PDE4D: variants seen among roughly 807,000 people sequenced by gnomAD.
PDE4D encodes the protein phosphodiesterase 4D, also known as 3',5'-cyclic-AMP phosphodiesterase 4D.
In PDE4D, 24 loss-of-function variants were observed where a neutral mutation model predicts 87.4. That is an observed-to-expected ratio of 0.27 (90% confidence interval 0.20 to 0.39). The LOEUF (loss-of-function observed/expected upper bound fraction) is 0.39, where lower values mean the gene tolerates loss of function less well. Among genes scored for constraint, PDE4D ranks in the 10% least tolerant of loss-of-function variants. The pLI is 1.00. For synonymous variants in PDE4D, 384 were observed against 383.2 expected, an observed-to-expected ratio of 1.00 and a Z score of -0.02; for missense variants, 714 against 1,041.0, an observed-to-expected ratio of 0.69 and a Z score of 4.32.
intron 3 of PDE4D, among the ~76,000 whole-genome samples, chr5:59,945,537 A>C (rs1373969499): frequency 3.3e-5 from 5 of 152,228 alleles, no homozygotes; most frequent in African/African-American, 1.2e-4. Flanking sequence ...GACTGAGACA[A>C]AGATATTAAC....
chr5:60,263,436 G>T (rs1749859392), intron 1 of PDE4D, among the ~76,000 whole-genome samples: 1 of 152,180 alleles, frequency 6.6e-6, no homozygotes, highest in African/African-American at 2.4e-5. Context: ...AAGAAATCTA[G>T]GCAAAGAACA....
At chr5:59,005,269 A>G (rs1239434037) in intron 6 of PDE4D, among the ~76,000 whole-genome samples, 1 of 152,158 alleles carries the variant, frequency 6.6e-6, no homozygotes, top group Non-Finnish European at 1.5e-5. Flanking sequence ...ACAGACTTCT[A>G]TTTGGCAACT....
intron 1 of PDE4D, among the ~76,000 whole-genome samples, chr5:60,204,758 T>C (rs772777603): frequency 1.8e-4 from 27 of 152,182 alleles, no homozygotes; most frequent in Non-Finnish European, 2.9e-4. Flanking sequence ...GCCTGGAGGA[T>C]AAACACACAG....
intron 2 of PDE4D, among the ~76,000 whole-genome samples, chr5:60,059,181 G>A (rs958767296): frequency 6.6e-6 from 1 of 151,784 alleles, no homozygotes; most frequent in Non-Finnish European, 1.5e-5. Flanking sequence ...ATTTTCCTGA[G>A]AACTAAGTTT....
chr5:60,386,514 T>C (rs1340406526), intron 1 of PDE4D, among the ~76,000 whole-genome samples: 1 of 152,196 alleles, frequency 6.6e-6, no homozygotes, highest in Non-Finnish European at 1.5e-5. Flanking sequence ...ATTGCCCTCC[T>C]AAGACTCTTT....
intron 1 of PDE4D, among the ~76,000 whole-genome samples, chr5:60,189,208 G>A (rs1403959016): frequency 2.0e-5 from 3 of 152,168 alleles, no homozygotes; most frequent in Admixed American, 1.3e-4. Flanking sequence ...AATGAATAGA[G>A]GAGGTGGATA....
At chr5:60,074,035 T>C (rs1773022084) in intron 2 of PDE4D, among the ~76,000 whole-genome samples, 1 of 152,156 alleles carries the variant, frequency 6.6e-6, no homozygotes, top group Non-Finnish European at 1.5e-5. Context: ...TCAATTCAGC[T>C]CTGATTCTGG....
intron 1 of PDE4D, among the ~76,000 whole-genome samples, chr5:59,403,754 G>GTGC (rs1354378129): frequency 6.6e-6 from 1 of 152,198 alleles, no homozygotes; most frequent in Non-Finnish European, 1.5e-5. Context: ...ACTGTGAATA[G>GTGC]TGCTACAATA....
intron 1 of PDE4D, among the ~76,000 whole-genome samples, chr5:60,234,955 C>A (rs1746256861): frequency 6.6e-6 from 1 of 151,812 alleles, no homozygotes; most frequent in African/African-American, 2.4e-5. Flanking sequence ...TTGCTAATTT[C>A]TTGCTCTAGC....
intron 5 of PDE4D, among the ~76,000 whole-genome samples, chr5:59,149,706 G>T (rs1346616653): frequency 5.1e-4 from 35 of 69,274 alleles, no homozygotes; most frequent in East Asian, 1.9e-3. Context: ...CTCTCCTCGA[G>T]TTTTTTTTTT....
intron 1 of PDE4D, among the ~76,000 whole-genome samples, chr5:59,489,339 C>T (rs1214296017): frequency 2.0e-5 from 3 of 151,852 alleles, no homozygotes; most frequent in Non-Finnish European, 2.9e-5. Flanking sequence ...CTTCCTGAGG[C>T]TTCTACTTGC....
At chr5:59,482,412 A>T (rs1471870579) in intron 1 of PDE4D, among the ~76,000 whole-genome samples, 3 of 152,202 alleles carry the variant, frequency 2.0e-5, no homozygotes, top group African/African-American at 7.2e-5. Flanking sequence ...TACTGCCTTT[A>T]AAATGACCTT....
chr5:59,373,261 C>T (rs154025), intron 1 of PDE4D, among the ~76,000 whole-genome samples: 99,511 of 152,000 alleles, frequency 0.65, 33,123 homozygotes, highest in South Asian at 0.78. Context: ...TGAAACCCAA[C>T]GGAAGGAAGC....
chr5:60,426,472 T>A (rs920894188), intron 1 of PDE4D, among the ~76,000 whole-genome samples: 1 of 152,032 alleles, frequency 6.6e-6, no homozygotes, highest in East Asian at 1.9e-4. Context: ...TAGGTGGGAA[T>A]TGAACAATGA....
intron 1 of PDE4D, among the ~76,000 whole-genome samples, chr5:59,866,827 A>C (rs185656051): frequency 2.6e-5 from 4 of 152,282 alleles, no homozygotes; most frequent in African/African-American, 7.2e-5. Context: ...TGCCTAATCA[A>C]GTGTCTCTTC....
chr5:60,149,310 C>T (rs983280), intron 2 of PDE4D, among the ~76,000 whole-genome samples: 102,940 of 152,020 alleles, frequency 0.68, 35,349 homozygotes, highest in Middle Eastern at 0.7. Context: ...AAGCATCATA[C>T]GGTGAGAGCA....
rs1561240441 is a variant in PDE4D, at chr5:59,574,077, TATATATTTATATATATAA to T, written c.455+319073_455+319090del. 2.3e-3 allele frequency among the ~76,000 whole-genome samples: 36 copies of T among 15,922 alleles called. 1 individual carries two copies. The highest frequency in any genetic ancestry group is 6.5e-3 in the African/African-American group (36 of 5,502). The allele number at this position is 15,922 out of a possible 152,430, so 10.4% of individuals were successfully genotyped here. On this transcript the variant is annotated intron_variant, in intron 1 of 14. Coordinates refer to ENST00000340635, the MANE Select transcript of PDE4D (RefSeq NM_001104631.2). Reference sequence around the variant, plus strand: ...ATATATAAAAATATATATATTTATATATATATTTATATATATAAATATATATTTATATATATATATAAA... The same window carrying T: ...ATATATAAAAATATATATATTTATATATATATATTTATATATATATATAAA...
intron 2 of PDE4D, among the ~76,000 whole-genome samples, chr5:60,112,035 T>TAA (rs1023913921): frequency 6.6e-6 from 1 of 151,836 alleles, no homozygotes; most frequent in Non-Finnish European, 1.5e-5. Context: ...ATATGGCTTT[T>TAA]AAAAAAAACC....
At chr5:60,181,076 A>C (rs976557261) in intron 2 of PDE4D, among the ~76,000 whole-genome samples, 3 of 152,148 alleles carry the variant, frequency 2.0e-5, no homozygotes, top group Non-Finnish European at 4.4e-5. Context: ...AAATGAATGC[A>C]GATAGCTCTG....
Sources: allele counts gnomAD v4.1 joint callset (sites outside exome capture counted in the v4.1 genomes callset), GRCh38; gene constraint gnomAD v4.1.1; transcripts MANE v1.5; gene names NCBI Gene and HGNC (gene_info 2026-07-23, HGNC 2026-07-21).